Variants in RAD52 observed in about 807,000 individuals in gnomAD.
RAD52 encodes the protein DNA repair protein RAD52 homolog.
Under a neutral mutation model 55.5 loss-of-function variants are expected in RAD52, and 47 were observed. That is an observed-to-expected ratio of 0.85 (90% confidence interval 0.67 to 1.08). The LOEUF (loss-of-function observed/expected upper bound fraction) is 1.08. Among genes scored for constraint, RAD52 ranks in the 50% least tolerant of loss-of-function variants. RAD52 has a pLI of 0.00. For missense variants in RAD52, 468 were observed against 522.8 expected (o/e 0.90, Z 1.02); for synonymous variants, 184 against 198.9 (o/e 0.92, Z 0.63).
chr12:944,258 C>T (rs1198564251), intron 1 of RAD52, among the ~76,000 whole-genome samples: 2 of 151,788 alleles, frequency 1.3e-5, no homozygotes, highest in Non-Finnish European at 2.9e-5. Flanking sequence ...AGTGGTGGCT[C>T]ACGCCTGTAA....
At chr12:936,106 C>T (rs1014878394) in intron 1 of RAD52, among the ~76,000 whole-genome samples, 11 of 151,944 alleles carry the variant, frequency 7.2e-5, no homozygotes, top group Non-Finnish European at 1.2e-4. Context: ...GAGTTCAAGA[C>T]GAGCCTGGTC....
intron 1 of RAD52, among the ~76,000 whole-genome samples, chr12:964,328 G>A (rs1958728259): frequency 6.6e-6 from 1 of 152,152 alleles, no homozygotes; most frequent in South Asian, 2.1e-4. Flanking sequence ...AGCACTTTGG[G>A]AGGCCGAGTC....
chr12:991,049 A>G (rs1592516802), upstream of RAD52: 1 of 149,142 alleles, frequency 6.7e-6, no homozygotes, highest in Admixed American at 6.6e-5. Flanking sequence ...CCAGTTCCTC[A>G]CCCGCGTGCC....
intron 2 of RAD52, 129 bp downstream of exon 2, chr12:932,846 G>GCCCC: frequency 1.5e-6 from 1 of 674,946 alleles, no homozygotes; most frequent in Non-Finnish European, 2.7e-6. Flanking sequence ...ACTAGGTACT[G>GCCCC]CTCACACACG....
At chr12:930,831 G>C (rs890546199) in intron 3 of RAD52, among the ~76,000 whole-genome samples, 12 of 152,070 alleles carry the variant, frequency 7.9e-5, no homozygotes, top group Admixed American at 2.6e-4. Context: ...ACCAGGTGTG[G>C]TGGCGTGTGC....
intron 6 of RAD52, chr12:926,833 G>T: frequency 1.3e-6 from 2 of 1,536,912 alleles, no homozygotes; most frequent in South Asian, 2.4e-5. Context: ...GCACGGAGAG[G>T]AGGGTGCTGT....
At chr12:978,937 T>C (rs12827733) in intron 1 of RAD52, among the ~76,000 whole-genome samples, 2 of 151,066 alleles carry the variant, frequency 1.3e-5, no homozygotes, top group South Asian at 4.2e-4. Context: ...CAGATAGATA[T>C]AGATATAAGC....
At chr12:949,870 A>G (rs942289426), upstream of RAD52, 15 of 152,244 alleles carry the variant, frequency 9.9e-5, no homozygotes, top group African/African-American at 3.6e-4. Context: ...GCTGGCTTTT[A>G]CGTTCTGAGC....
upstream of RAD52, among the ~76,000 whole-genome samples, chr12:950,513 A>G (rs1178498224): frequency 2.0e-5 from 3 of 148,988 alleles, no homozygotes; most frequent in Admixed American, 2.0e-4. Flanking sequence ...CGGAGCCTGC[A>G]GTGAGCCGAG....
intron 1 of RAD52, among the ~76,000 whole-genome samples, chr12:942,819 T>C (rs912072798): frequency 2.0e-5 from 3 of 150,984 alleles, no homozygotes; most frequent in Non-Finnish European, 2.9e-5. Context: ...CAAGATTTCC[T>C]AGGACTCAGA....
chr12:956,199 A>G (rs1318428736), intron 1 of RAD52, among the ~76,000 whole-genome samples: 1 of 152,180 alleles, frequency 6.6e-6, no homozygotes, highest in Non-Finnish European at 1.5e-5. Flanking sequence ...TACGACAGCC[A>G]TCTTCCAACG....
At chr12:950,642 G>A (rs1958505206), upstream of RAD52, among the ~76,000 whole-genome samples, 1 of 150,150 alleles carries the variant, frequency 6.7e-6, no homozygotes, top group Admixed American at 6.6e-5. Context: ...TGAACTCCTC[G>A]CCTCAAGTGA....
intron 1 of RAD52, among the ~76,000 whole-genome samples, chr12:979,838 C>T (rs1351832700): frequency 1.3e-5 from 2 of 151,992 alleles, no homozygotes; most frequent in African/African-American, 4.8e-5. Context: ...ACGAGGTCAG[C>T]AGATCGAGAC....
At chr12:970,876 CTTTGAACCAAATACATA>C (rs1958839319) in intron 1 of RAD52, among the ~76,000 whole-genome samples, 2 of 148,428 alleles carry the variant, frequency 1.3e-5, no homozygotes, top group African/African-American at 5.3e-5. Context: ...CTTGCTGAGA[CTTTGAACCAAATACATA>C]TATTTTGAAC....
At chr12:990,120 C>G (rs976118287), upstream of RAD52, 4 of 152,010 alleles carry the variant, frequency 2.6e-5, no homozygotes, top group Non-Finnish European at 5.9e-5. Flanking sequence ...GGCTGAGGAG[C>G]GACTGCAATT....
intron 1 of RAD52, among the ~76,000 whole-genome samples, chr12:987,288 C>G (rs1959098675): frequency 6.6e-6 from 1 of 152,042 alleles, no homozygotes; most frequent in Admixed American, 6.6e-5. Flanking sequence ...GATTTTTGTC[C>G]TTTTATGGGC....
chr12:931,041 C>G (rs1957302820), intron 3 of RAD52, among the ~76,000 whole-genome samples, 179 bp downstream of exon 3: 1 of 151,920 alleles, frequency 6.6e-6, no homozygotes, highest in South Asian at 2.1e-4. Context: ...AAGACCATGC[C>G]CAGGCCCCTT....
chr12:950,571 C>CAAA (rs763764449), upstream of RAD52, among the ~76,000 whole-genome samples: 38,285 of 131,560 alleles, frequency 0.29, 6,684 homozygotes, highest in Middle Eastern at 0.34. Context: ...GGCTCCGTCT[C>CAAA]AAAAAAAAAA....
At chr12:975,597 G>A (rs1216354648) in intron 1 of RAD52, 2 of 152,176 alleles carry the variant, frequency 1.3e-5, no homozygotes, top group Admixed American at 6.6e-5. Context: ...AGTGGAATTT[G>A]GGCATAAGAG....
Sources: gnomAD v4.1 joint callset for allele counts (sites outside exome capture counted in the v4.1 genomes callset) on GRCh38, gnomAD v4.1.1 for gene constraint, MANE v1.5 for transcripts, NCBI Gene and HGNC (gene_info 2026-07-23, HGNC 2026-07-21) for gene names.